The following LSAMP variants were observed in gnomAD, a reference collection of about 807,000 sequenced individuals.
LSAMP encodes the protein limbic system-associated membrane protein.
Under a neutral mutation model 38.6 loss-of-function variants are expected in LSAMP, and 7 were observed. The observed-to-expected ratio is 0.18, with a 90% confidence interval of 0.10 to 0.34. The LOEUF (loss-of-function observed/expected upper bound fraction) is 0.34. Ranked by LOEUF, LSAMP falls within the 10% of genes least tolerant of loss-of-function variation. LSAMP has a pLI of 1.00. For missense variants in LSAMP, 313 were observed against 420.0 expected, an observed-to-expected ratio of 0.75 and a Z score of 2.23; for synonymous variants, 154 against 166.8, an observed-to-expected ratio of 0.92 and a Z score of 0.59.
intron 3 of LSAMP, among the ~76,000 whole-genome samples, chr3:115,876,716 T>G (rs2107415337): frequency 6.6e-6 from 1 of 152,038 alleles, no homozygotes; most frequent in Non-Finnish European, 1.5e-5. Context: ...CTCAGCAGGT[T>G]TATCTACCCC....
chr3:116,024,274 T>C (rs1249132057), intron 2 of LSAMP, among the ~76,000 whole-genome samples: 1 of 152,050 alleles, frequency 6.6e-6, no homozygotes, highest in Non-Finnish European at 1.5e-5. Context: ...ACATAGTAGG[T>C]GCTCAAAAAG....
At chr3:116,043,106 A>G in intron 2 of LSAMP, among the ~76,000 whole-genome samples, 1 of 152,116 alleles carries the variant, frequency 6.6e-6, no homozygotes, top group East Asian at 1.9e-4. Context: ...AGTAGTATTC[A>G]CTCATTTGGA....
intron 1 of LSAMP, among the ~76,000 whole-genome samples, chr3:116,113,582 C>G (rs1036604198): frequency 6.6e-6 from 1 of 150,386 alleles, no homozygotes; most frequent in Non-Finnish European, 1.5e-5. Flanking sequence ...CCCGCCACTA[C>G]GCCCGGCTAA....
At chr3:115,937,581 C>A (rs1937746703) in intron 3 of LSAMP, among the ~76,000 whole-genome samples, 1 of 150,876 alleles carries the variant, frequency 6.6e-6, no homozygotes, top group Non-Finnish European at 1.5e-5. Context: ...TTGGAGGCTA[C>A]AGTGAGCCAT....
intron 1 of LSAMP, among the ~76,000 whole-genome samples, chr3:116,296,571 C>T (rs543143056): frequency 3.8e-4 from 58 of 151,650 alleles, no homozygotes; most frequent in Non-Finnish European, 7.8e-4. Flanking sequence ...GGCGGGCGCC[C>T]GTAGTCCCAG....
At chr3:115,971,587 C>A (rs9880684) in intron 3 of LSAMP, among the ~76,000 whole-genome samples, 42,247 of 151,936 alleles carry the variant, frequency 0.28, 7,326 homozygotes, top group African/African-American at 0.5. Flanking sequence ...TAGTAACATG[C>A]CAGATATTAT....
At chr3:116,391,325 G>A (rs1414361866) in intron 1 of LSAMP, among the ~76,000 whole-genome samples, 3 of 147,102 alleles carry the variant, frequency 2.0e-5, no homozygotes, top group Admixed American at 1.3e-4. Flanking sequence ...CCCCGAGGCC[G>A]CTGACTGCGC....
intron 1 of LSAMP, among the ~76,000 whole-genome samples, chr3:116,149,183 C>T (rs1011861669): frequency 2.6e-5 from 4 of 151,880 alleles, no homozygotes; most frequent in African/African-American, 9.7e-5. Flanking sequence ...CCTCAATGTG[C>T]AGACTCCAGG....
At chr3:116,412,708 A>C (rs2048996201) in intron 1 of LSAMP, among the ~76,000 whole-genome samples, 1 of 152,064 alleles carries the variant, frequency 6.6e-6, no homozygotes, top group African/African-American at 2.4e-5. Context: ...TTATTGTTTA[A>C]TGTTATTATT....
intron 3 of LSAMP, among the ~76,000 whole-genome samples, chr3:115,930,650 T>A (rs377694094): frequency 1.3e-5 from 2 of 152,310 alleles, no homozygotes; most frequent in African/African-American, 4.8e-5. Flanking sequence ...ACAATCCAAA[T>A]GAAACATGCA....
At chr3:115,895,203 T>A (rs1044165376) in intron 3 of LSAMP, among the ~76,000 whole-genome samples, 8 of 152,112 alleles carry the variant, frequency 5.3e-5, no homozygotes, top group African/African-American at 1.9e-4. Context: ...GCTCTTGTTA[T>A]CAGAGCAGTT....
chr3:116,405,169 A>C (rs1413556791), intron 1 of LSAMP, among the ~76,000 whole-genome samples: 1 of 152,128 alleles, frequency 6.6e-6, no homozygotes, highest in East Asian at 1.9e-4. Context: ...TACTGACCGC[A>C]ATACTTCTGT....
chr3:116,250,640 T>A (rs1328645713), intron 1 of LSAMP, among the ~76,000 whole-genome samples: 2 of 150,418 alleles, frequency 1.3e-5, no homozygotes, highest in Non-Finnish European at 2.9e-5. Context: ...CATGGGTGGA[T>A]CACTTGAGCT....
intron 3 of LSAMP, among the ~76,000 whole-genome samples, chr3:115,873,860 C>T (rs1936112212): frequency 6.6e-6 from 1 of 152,048 alleles, no homozygotes; most frequent in African/African-American, 2.4e-5. Context: ...TGCTGGAGAG[C>T]CTCTAGCTTG....
At chr3:116,267,798 T>C (rs557680966) in intron 1 of LSAMP, among the ~76,000 whole-genome samples, 1 of 152,212 alleles carries the variant, frequency 6.6e-6, no homozygotes, top group Admixed American at 6.5e-5. Context: ...TATCTTCCTC[T>C]GTGGGAAGGA....
At chr3:116,323,608 C>G (rs1235759428) in intron 1 of LSAMP, among the ~76,000 whole-genome samples, 1 of 152,026 alleles carries the variant, frequency 6.6e-6, no homozygotes, top group East Asian at 1.9e-4. Flanking sequence ...TTACTTATTT[C>G]TCTCATCAGT....
intron 1 of LSAMP, among the ~76,000 whole-genome samples, chr3:116,319,482 CTTAGAGGGGCT>C (rs2047679211): frequency 6.6e-6 from 1 of 152,172 alleles, no homozygotes; most frequent in African/African-American, 2.4e-5. Flanking sequence ...CTATGTAACA[CTTAGAGGGGCT>C]TTAGTCACCT....
At chr3:115,863,188 C>A (rs1419415822) in intron 3 of LSAMP, among the ~76,000 whole-genome samples, 2 of 152,176 alleles carry the variant, frequency 1.3e-5, no homozygotes, top group Non-Finnish European at 2.9e-5. Context: ...ATGTTTCCTG[C>A]ACTCCTTTTT....
intron 2 of LSAMP, among the ~76,000 whole-genome samples, chr3:116,071,972 A>G (rs1266459571): frequency 6.9e-6 from 1 of 143,934 alleles, no homozygotes; most frequent in Non-Finnish European, 1.5e-5. Flanking sequence ...GTGTATATGT[A>G]GCTTTTTTTT....
Sources: allele counts gnomAD v4.1 joint callset (sites outside exome capture counted in the v4.1 genomes callset), GRCh38; gene constraint gnomAD v4.1.1; transcripts MANE v1.5; gene names NCBI Gene and HGNC (gene_info 2026-07-23, HGNC 2026-07-21).